The following PMFBP1 variants were observed in gnomAD, a reference collection of about 807,000 sequenced individuals.
The protein encoded by PMFBP1 is polyamine modulated factor 1 binding protein 1.
A neutral mutation model predicts 137.8 loss-of-function variants in PMFBP1; 131 were observed. The observed-to-expected ratio is 0.95, with a 90% CI of 0.82 to 1.10. The LOEUF is 1.10. Among genes scored for constraint, PMFBP1 ranks in the 50% least tolerant of loss-of-function variants. PMFBP1 has a pLI of 0.00. For synonymous variants in PMFBP1, 490 were observed against 450.4 expected (o/e 1.09, Z -1.11); for missense variants, 1,199 against 1,175.4 (o/e 1.02, Z -0.29).
At chr16:72,125,200 T>G (rs1267484929) in intron 16 of PMFBP1, 38 bp downstream of exon 16, 1 of 1,598,710 alleles carries the variant, frequency 6.3e-7, no homozygotes, top group East Asian at 2.2e-5. Flanking sequence ...TGTGGACCCC[T>G]ACCAGGAAGG....
At chr16:72,246,457 C>G in the PMFBP1 span, among the ~76,000 whole-genome samples, 3 of 151,972 alleles carry the variant, frequency 2.0e-5, no homozygotes, top group Non-Finnish European at 2.9e-5. Context: ...GCACATAGGT[C>G]CTTTGTGATC....
chr16:72,174,167 T>C (rs2043246048), upstream of PMFBP1: 1 of 152,206 alleles, frequency 6.6e-6, no homozygotes. Flanking sequence ...CCTTGCAGAT[T>C]CCCAAGAAAC....
the PMFBP1 span, among the ~76,000 whole-genome samples, chr16:72,236,751 G>A: frequency 1.3e-5 from 2 of 152,090 alleles, no homozygotes; most frequent in Non-Finnish European, 2.9e-5. Context: ...ACATTTCACT[G>A]GCAAAAGAAA....
At chr16:72,157,982 G>A (rs1261473779) in intron 3 of PMFBP1, among the ~76,000 whole-genome samples, 1 of 152,124 alleles carries the variant, frequency 6.6e-6, no homozygotes, top group East Asian at 1.9e-4. Context: ...CTGGGGAGAT[G>A]GAATTTTAAT....
At chr16:72,128,376 C>T in intron 14 of PMFBP1, 2 of 1,371,408 alleles carry the variant, frequency 1.5e-6, no homozygotes, top group South Asian at 3.0e-5. Flanking sequence ...ATTCACTCAA[C>T]TCTGGTCTAA....
intron 3 of PMFBP1, among the ~76,000 whole-genome samples, chr16:72,161,190 T>G (rs1400040871): frequency 6.7e-6 from 1 of 149,870 alleles, no homozygotes; most frequent in African/African-American, 2.5e-5. Context: ...CTCTGTCCCC[T>G]GGATTCAAGC....
the PMFBP1 span, among the ~76,000 whole-genome samples, chr16:72,213,166 A>G: frequency 7.0e-6 from 1 of 142,430 alleles, no homozygotes; most frequent in East Asian, 2.2e-4. Context: ...CTCTCACTAG[A>G]GATTAACTGG....
intron 1 of PMFBP1, 45 bp from the exon 2 acceptor site, chr16:72,171,313 C>T: frequency 7.6e-7 from 1 of 1,312,310 alleles, no homozygotes; most frequent in South Asian, 1.2e-5. Flanking sequence ...ATAAATGAGC[C>T]TCTGCCCTTT....
Position 72,140,485 on chromosome 16 carries a change from A to G in PMFBP1, c.734T>C (p.Val245Ala). 6.2e-7 allele frequency: 1 copy of G among 1,613,806 alleles called. No homozygotes were observed. The highest frequency in any genetic ancestry group is 1.1e-5 in the South Asian group (1 of 91,076). Reference protein sequence around the residue: ...HQETQKRLSEVWQKVSQQDDL... With the variant: ...HQETQKRLSEAWQKVSQQDDL... ...ATCCTGTTGAGAGACCTTTTGCCAG[A>G]CTTCAGACAGTCGTTTCTGAGTCTC... Residue 245 changes from valine to alanine, a missense_variant, in exon 6 of 21, where the codon GTC becomes GCC. Coordinates refer to ENST00000237353, the MANE Select transcript of PMFBP1 (RefSeq NM_031293.3).
chr16:72,216,467 C>T, the PMFBP1 span, among the ~76,000 whole-genome samples: 1 of 152,068 alleles, frequency 6.6e-6, no homozygotes, highest in Admixed American at 6.6e-5. Flanking sequence ...AAGAAAAGAA[C>T]CAGAACATGC....
At chr16:72,227,887 A>G in the PMFBP1 span, among the ~76,000 whole-genome samples, 8 of 152,282 alleles carry the variant, frequency 5.3e-5, no homozygotes, top group East Asian at 1.5e-3. Context: ...AATGGTAGCT[A>G]TTTATTGTTA....
the PMFBP1 span, among the ~76,000 whole-genome samples, chr16:72,215,523 T>C: frequency 6.6e-6 from 1 of 152,118 alleles, no homozygotes; most frequent in African/African-American, 2.4e-5. Context: ...AACTAAATAA[T>C]AATTCAAAAG....
intron 3 of PMFBP1, among the ~76,000 whole-genome samples, chr16:72,162,363 C>A (rs1002449210): frequency 6.6e-6 from 1 of 152,206 alleles, no homozygotes; most frequent in Non-Finnish European, 1.5e-5. Flanking sequence ...CAAGGTCATG[C>A]CGTTTTCTTT....
chr16:72,209,679 C>T, the PMFBP1 span, among the ~76,000 whole-genome samples: 21 of 152,078 alleles, frequency 1.4e-4, no homozygotes, highest in Admixed American at 1.2e-3. Context: ...TACCCATGTG[C>T]TCAGTATTAG....
At chr16:72,220,354 C>T in the PMFBP1 span, among the ~76,000 whole-genome samples, 5 of 152,142 alleles carry the variant, frequency 3.3e-5, no homozygotes, top group South Asian at 6.2e-4. Flanking sequence ...CCATTAAAAA[C>T]GATGCTTGAA....
Position 72,119,240 on chromosome 16 carries a change from G to T in PMFBP1, c.*98C>A. ...TAGGCTGGGACCGTGATATACTCCTGTAAGAGCTGATCCAGGTCAAGAGAG... is the reference window on the plus strand; with the variant it reads ...TAGGCTGGGACCGTGATATACTCCTTTAAGAGCTGATCCAGGTCAAGAGAG... On this transcript the variant is annotated 3_prime_UTR_variant, in exon 21 of 21. Coordinates refer to ENST00000237353, the MANE Select transcript of PMFBP1 (RefSeq NM_031293.3). 1.5e-6 allele frequency: 2 copies of T among 1,379,002 alleles called. No individual in the cohort carries two copies. The highest frequency in any genetic ancestry group is 2.1e-6 in the Non-Finnish European group (2 of 970,314). The allele number at this position is 1,379,002 out of a possible 1,614,324, so 85.4% of individuals were successfully genotyped here. A position where few individuals can be genotyped will look rare whatever the true frequency, so the allele number is the denominator to read the frequency against.
intron 3 of PMFBP1, among the ~76,000 whole-genome samples, chr16:72,160,083 T>A (rs1024149765): frequency 1.3e-5 from 2 of 152,230 alleles, no homozygotes; most frequent in Non-Finnish European, 2.9e-5. Flanking sequence ...ACACATTTCA[T>A]CCCTACTTGT....
chr16:72,193,663 T>C, the PMFBP1 span, among the ~76,000 whole-genome samples: 1 of 151,056 alleles, frequency 6.6e-6, no homozygotes, highest in South Asian at 2.1e-4. Context: ...ATACCTACTA[T>C]GAAGAACTTT....
intron 10 of PMFBP1, among the ~76,000 whole-genome samples, chr16:72,132,213 A>G (rs2042559629): frequency 6.6e-6 from 1 of 152,190 alleles, no homozygotes; most frequent in South Asian, 2.1e-4. Flanking sequence ...AACCATCACC[A>G]ATATTTAATT....
Sources: gnomAD v4.1 joint callset for allele counts (sites outside exome capture counted in the v4.1 genomes callset) on GRCh38, gnomAD v4.1.1 for gene constraint, MANE v1.5 for transcripts, NCBI Gene and HGNC (gene_info 2026-07-23, HGNC 2026-07-21) for gene names.